The following PCSK2 variants were observed in gnomAD, a reference collection of about 807,000 sequenced individuals.
The protein encoded by PCSK2 is neuroendocrine convertase 2.
PCSK2 carries 14 observed loss-of-function variants against 69.7 expected under a neutral mutation model. The observed-to-expected ratio is 0.20, with a 90% confidence interval of 0.13 to 0.31. PCSK2 has a LOEUF of 0.31. PCSK2 is among the 10% of genes least tolerant of loss of function. The pLI is 1.00. For missense variants in PCSK2, 544 were observed against 842.5 expected, an observed-to-expected ratio of 0.65 and a Z score of 4.39; for synonymous variants, 307 against 320.7, an observed-to-expected ratio of 0.96 and a Z score of 0.46.
At chr20:17,346,070 C>A (rs1407257840) in intron 2 of PCSK2, among the ~76,000 whole-genome samples, 9 of 152,220 alleles carry the variant, frequency 5.9e-5, no homozygotes, top group Admixed American at 5.9e-4. Context: ...TGAGGCCCCC[C>A]TCCGGCACAG....
At chr20:17,373,848 A>G (rs1477549016) in intron 5 of PCSK2, among the ~76,000 whole-genome samples, 1 of 152,234 alleles carries the variant, frequency 6.6e-6, no homozygotes, top group African/African-American at 2.4e-5. Flanking sequence ...ATCTAATTCA[A>G]AAAATCCACA....
chr20:17,250,848 C>G (rs1282006568), intron 1 of PCSK2, among the ~76,000 whole-genome samples: 1 of 152,018 alleles, frequency 6.6e-6, no homozygotes, highest in African/African-American at 2.4e-5. Context: ...ACCTGTAATC[C>G]CAGCACTTTA....
At chr20:17,303,001 T>C (rs1989137353) in intron 2 of PCSK2, among the ~76,000 whole-genome samples, 1 of 151,914 alleles carries the variant, frequency 6.6e-6, no homozygotes, top group Non-Finnish European at 1.5e-5. Context: ...ACCAGAGAAC[T>C]TGAAAAAATT....
chr20:17,288,998 T>C (rs1257348237), intron 2 of PCSK2, among the ~76,000 whole-genome samples: 2 of 152,192 alleles, frequency 1.3e-5, no homozygotes, highest in Non-Finnish European at 2.9e-5. Context: ...TAATAGATTA[T>C]AGAAGGAAAT....
At position 17,456,415 on chromosome 20, in the gene PCSK2, C is replaced by A; in HGVS notation, c.1169C>A (p.Ala390Glu). The stretch of plus-strand genomic sequence containing the variant: ...GGGACATCTGCAGCTGCCCCCGAGG[C>A]AGCTGGTGTGTTTGCACTGGCTCTG... The part of the protein sequence containing the change: ...HSGTSAAAPE[A>E]AGVFALALEA... The change falls in exon 10 of 12, where the codon GCA becomes GAA. Residue 390 changes from alanine to glutamate, a missense_variant. By Grantham distance (107) the Ala-to-Glu change is moderately radical. Coordinates refer to ENST00000262545, the MANE Select transcript of PCSK2 (RefSeq NM_002594.5). The A allele has an allele frequency of 6.2e-7, 1 of 1,611,224 alleles. No individual in the cohort carries two copies. Among genetic ancestry groups the A allele is most frequent in the Non-Finnish European group, 8.5e-7 (1 of 1,177,312 alleles).
In PCSK2 at chr20:17,233,693, A is replaced by C. The variant is rs562316218; in HGVS notation, c.177+6211A>C. Among the ~76,000 whole-genome samples the C allele has an allele frequency of 4.6e-5, 7 of 152,300 alleles. No homozygotes were observed. In the East Asian group the frequency reaches 1.4e-3, roughly 29 times the overall value. ...TTATCTAAGTTTCTAATAGCTTTCC[A>C]ACCCCAGTTTCCAGCAAAAGACGCC... On this transcript the variant is annotated intron_variant, in intron 1 of 11. Transcript: ENST00000262545.
At chr20:17,451,983 A>G (rs2032833418) in intron 8 of PCSK2, among the ~76,000 whole-genome samples, 1 of 148,640 alleles carries the variant, frequency 6.7e-6, no homozygotes, top group Admixed American at 6.8e-5. Context: ...CAGTGGCACA[A>G]TCTCGGCTCA....
chr20:17,332,125 G>A (rs777856377), intron 2 of PCSK2, among the ~76,000 whole-genome samples: 3 of 152,068 alleles, frequency 2.0e-5, no homozygotes, highest in East Asian at 1.9e-4. Flanking sequence ...ACAAACTAAC[G>A]AAACTTGCAG....
intron 7 of PCSK2, among the ~76,000 whole-genome samples, chr20:17,430,042 C>T (rs963064727): frequency 6.6e-6 from 1 of 152,144 alleles, no homozygotes; most frequent in Non-Finnish European, 1.5e-5. Flanking sequence ...ACTCAGAGCT[C>T]TTCAAAATGT....
At chr20:17,459,985 A>G (rs1160827923) in intron 10 of PCSK2, among the ~76,000 whole-genome samples, 1 of 152,208 alleles carries the variant, frequency 6.6e-6, no homozygotes, top group African/African-American at 2.4e-5. Flanking sequence ...CCAAATAATA[A>G]CAGAGACAAG....
intron 2 of PCSK2, among the ~76,000 whole-genome samples, chr20:17,329,347 T>C (rs1990151125): frequency 6.6e-6 from 1 of 152,218 alleles, no homozygotes. Flanking sequence ...TTATTAGTTA[T>C]ATATGAGCTA....
Position 17,453,789 on chromosome 20 carries a change from C to T in PCSK2, c.933C>T (p.Gly311=), listed in dbSNP as rs777071600. The change falls in exon 9 of 12, where the codon GGC becomes GGT. Residue 311 remains glycine (G), a synonymous_variant. Transcript: ENST00000262545. The surrounding 1 kb of genome is among the most constrained non-coding windows in gnomAD (Gnocchi z 4.0). ...TCTACGTGTGGGCCTCCGGGGACGG[C>T]GGCAGCTATGACGACTGCAACTGCG... is the stretch of plus-strand genomic sequence containing the variant. ...GSIYVWASGD[G]GSYDDCNCDG... 8.1e-6 allele frequency: 13 copies of T among 1,613,758 alleles called. No individual in the cohort carries two copies. In the South Asian group the frequency reaches 8.8e-5, roughly 11 times the overall value.
intron 11 of PCSK2, among the ~76,000 whole-genome samples, chr20:17,474,246 A>C (rs1261333421): frequency 6.6e-6 from 1 of 152,212 alleles, no homozygotes; most frequent in African/African-American, 2.4e-5. Flanking sequence ...CCTGGCTGAA[A>C]TAAGAATACA....
At chr20:17,322,369 A>G (rs1256120262) in intron 2 of PCSK2, among the ~76,000 whole-genome samples, 1 of 152,052 alleles carries the variant, frequency 6.6e-6, no homozygotes, top group Non-Finnish European at 1.5e-5. Flanking sequence ...CATTGGTGTT[A>G]TGGGATAAAC....
intron 11 of PCSK2, among the ~76,000 whole-genome samples, chr20:17,473,913 T>C (rs1487766311): frequency 6.6e-6 from 1 of 152,208 alleles, no homozygotes; most frequent in African/African-American, 2.4e-5. Context: ...GCAGTTCACA[T>C]GGCAGGGCAG....
chr20:17,275,163 T>C (rs1988020970), intron 2 of PCSK2, among the ~76,000 whole-genome samples: 1 of 151,162 alleles, frequency 6.6e-6, no homozygotes. Context: ...AGTCCCTTTC[T>C]TGTTTAAATT....
chr20:17,370,872 G>T (rs2030738446), intron 5 of PCSK2, among the ~76,000 whole-genome samples: 1 of 152,196 alleles, frequency 6.6e-6, no homozygotes, highest in African/African-American at 2.4e-5. Flanking sequence ...TTTCTCCAAG[G>T]CTCTGATGTA....
At position 17,409,292 on chromosome 20, in the gene PCSK2, C is replaced by T; in HGVS notation, c.573C>T (p.Ser191=). 2 of 1,614,044 alleles carry T rather than the reference C, an allele frequency of 1.2e-6. No individual in the cohort carries two copies. The highest frequency in any genetic ancestry group is 1.7e-6 in the Non-Finnish European group (2 of 1,179,920). ...YNAEASYDFS[S]NDPYPYPRYT... ...CCGAAGCAAGTTACGACTTCAGCAGCAACGACCCCTATCCTTACCCTCGGT... is the reference window on the plus strand; with the variant it reads ...CCGAAGCAAGTTACGACTTCAGCAGTAACGACCCCTATCCTTACCCTCGGT... The change falls in exon 6 of 12, where the codon AGC becomes AGT. Residue 191 remains serine, a synonymous_variant. Transcript: ENST00000262545.
chr20:17,230,083 A>G (rs905771549), intron 1 of PCSK2, among the ~76,000 whole-genome samples: 5 of 152,288 alleles, frequency 3.3e-5, no homozygotes, highest in African/African-American at 1.2e-4. Context: ...TTATTATCCC[A>G]GGTTTCCCAG....
Sources: gnomAD v4.1 joint callset for allele counts (sites outside exome capture counted in the v4.1 genomes callset) on GRCh38, gnomAD v4.1.1 for gene constraint, Gnocchi (gnomAD v3.1) non-coding constraint, MANE v1.5 for transcripts, NCBI Gene and HGNC (gene_info 2026-07-23, HGNC 2026-07-21) for gene names.